Variants in SMIM8 observed in about 807,000 individuals in gnomAD.
SMIM8 encodes the protein UPF0708 protein C6orf162.
Under a neutral mutation model 8.1 loss-of-function variants are expected in SMIM8, and 8 were observed. The ratio of observed to expected loss-of-function variants is 0.99; its 90% CI spans 0.58 to 1.78. The LOEUF (loss-of-function observed/expected upper bound fraction) is 1.78, where lower values mean the gene tolerates loss of function less well. Among genes scored for constraint, SMIM8 ranks in the 40% most tolerant of loss-of-function variants. The probability of loss-of-function intolerance (pLI) is 0.00; values close to 1 mark genes in which losing one functional copy is unlikely to be tolerated. For missense variants in SMIM8, 126 were observed against 119.8 expected (o/e 1.05, Z -0.24); for synonymous variants, 45 against 39.7 (o/e 1.13, Z -0.50).
rs760532334 is a variant in SMIM8, at chr6:87,340,102, T to A, written c.136-14T>A. On this transcript the variant is annotated splice_polypyrimidine_tract_variant and intron_variant, in intron 3 of 3. Transcript: ENST00000392863. ...AGTCTTACTAAAGCTTTATAATTTT[T>A]TTTTCTTTGACAGAACAAACCTGTA... is the stretch of plus-strand genomic sequence containing the variant. 2 of 1,532,500 alleles carry A rather than the reference T, an allele frequency of 1.3e-6. No individual in the cohort carries two copies. Among genetic ancestry groups the A allele is most frequent in the South Asian group, 2.6e-5 (2 of 77,442 alleles). The allele number at this position is 1,532,500 out of a possible 1,614,324, so 94.9% of individuals were successfully genotyped here.
At chr6:87,325,519 A>T (rs1348366385) in intron 1 of SMIM8, among the ~76,000 whole-genome samples, 1 of 149,224 alleles carries the variant, frequency 6.7e-6, no homozygotes, top group Non-Finnish European at 1.5e-5. Flanking sequence ...ATCTATTGAG[A>T]TAATCATGTG....
At chr6:87,331,724 C>A (rs968266115) in intron 2 of SMIM8, among the ~76,000 whole-genome samples, 1 of 151,936 alleles carries the variant, frequency 6.6e-6, no homozygotes, top group African/African-American at 2.4e-5. Flanking sequence ...GTTAAAAAGT[C>A]TTAGTTTGAT....
At chr6:87,323,641 A>G (rs1218948025) in intron 1 of SMIM8, among the ~76,000 whole-genome samples, 5 of 152,082 alleles carry the variant, frequency 3.3e-5, no homozygotes, top group Non-Finnish European at 5.9e-5. Context: ...TACATGGTGT[A>G]TATGTGCCAC....
rs983472480 is a variant in SMIM8, at chr6:87,341,264, G to A, written c.*990G>A. ...CTCTGAAGCATCAGCATTTTGAAGT[G>A]TCTTTTATGGAAGTGGGGACAGAAA... On this transcript the variant is annotated 3_prime_UTR_variant, in exon 4 of 4. Transcript: ENST00000392863. The A allele has an allele frequency of 2.5e-6, 1 of 398,256 alleles. No homozygotes were observed. The highest frequency in any genetic ancestry group is 4.4e-6 in the Non-Finnish European group (1 of 226,010). The allele number at this position is 398,256 out of a possible 1,614,324, so 24.7% of individuals were successfully genotyped here.
chr6:87,340,008 A>T, intron 3 of SMIM8, 108 bp from the exon 4 acceptor site: 2 of 732,022 alleles, frequency 2.7e-6, no homozygotes, highest in Non-Finnish European at 4.3e-6. Flanking sequence ...TGGTAATGCT[A>T]GTGTTGTAAT....
chr6:87,339,036 A>T (rs909164406), intron 3 of SMIM8, among the ~76,000 whole-genome samples: 1 of 151,990 alleles, frequency 6.6e-6, no homozygotes, highest in Non-Finnish European at 1.5e-5. Flanking sequence ...TCTACAAAAA[A>T]ATTTAAAATT....
chr6:87,333,538 G>A (rs1246619016), intron 2 of SMIM8, among the ~76,000 whole-genome samples: 1 of 152,108 alleles, frequency 6.6e-6, no homozygotes, highest in Non-Finnish European at 1.5e-5. Context: ...GCTAAGAGAA[G>A]AAAAATGAAA....
Position 87,337,114 on chromosome 6 carries a change from T to C in SMIM8, c.83T>C (p.Val28Ala), listed in dbSNP as rs756783602. 27 of 1,612,860 alleles carry C rather than the reference T, an allele frequency of 1.7e-5. No individual in the cohort carries two copies. The African/African-American group carries it at 2.9e-4, about 18-fold the overall frequency. Residue 28 changes from valine to alanine, a missense_variant, in exon 3 of 4, where the codon GTG becomes GCG. Coordinates refer to ENST00000392863, the MANE Select transcript of SMIM8 (RefSeq NM_001042493.3). ...TTTCAAAGCCCAGGGCTCAGAGGGGTGCGCACAACAACCTTATTTCGTGCT... is the reference window on the plus strand; with the variant it reads ...TTTCAAAGCCCAGGGCTCAGAGGGGCGCGCACAACAACCTTATTTCGTGCT... ...KEFQSPGLRG[V>A]RTTTLFRAVN...
At chr6:87,326,650 G>C (rs1173057964) in intron 1 of SMIM8, among the ~76,000 whole-genome samples, 1 of 139,392 alleles carries the variant, frequency 7.2e-6, no homozygotes, top group African/African-American at 2.8e-5. Flanking sequence ...TATAATTTCT[G>C]TTCTTTTACA....
chr6:87,325,723 TTC>T (rs1776802468), intron 1 of SMIM8, among the ~76,000 whole-genome samples: 1 of 152,130 alleles, frequency 6.6e-6, no homozygotes, highest in Admixed American at 6.5e-5. Flanking sequence ...TGGTCTAAAA[TTC>T]TCTTTTTTGG....
chr6:87,325,472 A>G (rs1187959074), intron 1 of SMIM8, among the ~76,000 whole-genome samples: 4 of 114,302 alleles, frequency 3.5e-5, no homozygotes, highest in African/African-American at 1.5e-4. Flanking sequence ...AGTTTTTAGC[A>G]TGAAGGGTTA....
chr6:87,324,909 A>G (rs2127915156), intron 1 of SMIM8, among the ~76,000 whole-genome samples: 1 of 152,178 alleles, frequency 6.6e-6, no homozygotes, highest in East Asian at 1.9e-4. Context: ...TGAGCATGGA[A>G]TGTTCATCCA....
intron 1 of SMIM8, among the ~76,000 whole-genome samples, chr6:87,327,371 A>G (rs1442610865): frequency 6.6e-6 from 1 of 151,962 alleles, no homozygotes; most frequent in African/African-American, 2.4e-5. Context: ...AATGGTCTTT[A>G]CATTTTGGCA....
At chr6:87,333,294 A>G (rs138902436) in intron 2 of SMIM8, among the ~76,000 whole-genome samples, 195 of 152,322 alleles carry the variant, frequency 1.3e-3, no homozygotes, top group Non-Finnish European at 2.2e-3. Context: ...GTATTAATCT[A>G]TTCATGAGGG....
chr6:87,340,272 T>C lies in SMIM8; in HGVS notation c.292T>C (p.Ter98GlnextTer1), dbSNP rs1383668988. 6.3e-7 allele frequency: 1 copy of C among 1,594,166 alleles called. No individual in the cohort carries two copies. The highest frequency in any genetic ancestry group is 8.5e-7 in the Non-Finnish European group (1 of 1,173,732). ...GAGGCGGAAAACATCCAAATGGGAT[T>C]AGTAGTGCTGGTTAGTGCAGATGGA... The part of the protein sequence containing the change: ...YMRRKTSKWD[*>Q] Residue 98 changes from the stop codon to glutamine, a stop_lost, in exon 4 of 4, where the codon TAG becomes CAG. Transcript: ENST00000392863.
intron 2 of SMIM8, among the ~76,000 whole-genome samples, chr6:87,336,107 C>T (rs903411682): frequency 6.6e-6 from 1 of 152,142 alleles, no homozygotes; most frequent in Non-Finnish European, 1.5e-5. Context: ...TATTTTATAA[C>T]ATTTACTGTA....
chr6:87,333,442 G>C (rs549252193), intron 2 of SMIM8, among the ~76,000 whole-genome samples: 16 of 152,248 alleles, frequency 1.1e-4, no homozygotes, highest in African/African-American at 3.9e-4. Flanking sequence ...TTAGCACAGG[G>C]AGAAACATCA....
chr6:87,327,821 G>T (rs1432760852), intron 1 of SMIM8, among the ~76,000 whole-genome samples: 1 of 149,170 alleles, frequency 6.7e-6, no homozygotes, highest in Non-Finnish European at 1.5e-5. Context: ...GATTGGGGAA[G>T]TTCTCCTGGA....
At position 87,341,239 on chromosome 6, in the gene SMIM8, C is replaced by T. The variant is rs371533520; in HGVS notation, c.*965C>T. 2.8e-5 allele frequency: 11 copies of T among 397,878 alleles called. No homozygotes were observed. Among genetic ancestry groups the T allele is most frequent in the Non-Finnish European group, 3.1e-5 (7 of 225,904 alleles). 24.6% of individuals were successfully genotyped at this position (397,878 alleles called of 1,614,324 possible). A position where few individuals can be genotyped will look rare whatever the true frequency, so the allele number is the denominator to read the frequency against. The stretch of plus-strand genomic sequence containing the variant: ...TTTCCTTTTCAGAATGTTTCTTATT[C>T]TCTGAAGCATCAGCATTTTGAAGTG... On this transcript the variant is annotated 3_prime_UTR_variant, in exon 4 of 4. Coordinates refer to ENST00000392863, the MANE Select transcript of SMIM8 (RefSeq NM_001042493.3).
Sources: gnomAD v4.1 joint callset for allele counts (sites outside exome capture counted in the v4.1 genomes callset) on GRCh38, gnomAD v4.1.1 for gene constraint, MANE v1.5 for transcripts, NCBI Gene and HGNC (gene_info 2026-07-23, HGNC 2026-07-21) for gene names.